Variants in TMF1 observed in about 807,000 individuals in gnomAD.
The protein encoded by TMF1 is TATA element modulatory factor 1.
TMF1 carries 71 observed loss-of-function variants against 126.5 expected under a neutral mutation model. The ratio of observed to expected loss-of-function variants is 0.56; its 90% CI spans 0.46 to 0.68. The LOEUF is 0.68. TMF1 is among the 30% of genes least tolerant of loss of function. The pLI, the probability that TMF1 is intolerant of heterozygous loss-of-function variation, is 0.00. For missense variants in TMF1, 1,259 were observed against 1,253.2 expected (o/e 1.00, Z -0.07); for synonymous variants, 461 against 430.5 (o/e 1.07, Z -0.88).
chr3:69,039,747 C>A (rs2091853213), intron 5 of TMF1, 54 bp from the exon 6 acceptor site: 2 of 1,548,398 alleles, frequency 1.3e-6, no homozygotes, highest in Admixed American at 2.2e-5. Flanking sequence ...CTAAAAATCT[C>A]AATAGAATGT....
chr3:69,049,938 T>C (rs2091916777), intron 1 of TMF1, among the ~76,000 whole-genome samples: 1 of 152,148 alleles, frequency 6.6e-6, no homozygotes, highest in African/African-American at 2.4e-5. Context: ...CTAAAAACTA[T>C]CAAGCCTTAT....
chr3:69,038,002 T>C (rs1319899865), intron 8 of TMF1, among the ~76,000 whole-genome samples: 2 of 152,130 alleles, frequency 1.3e-5, no homozygotes, highest in Non-Finnish European at 2.9e-5. Context: ...TGCCAGTTCC[T>C]CAAAAAGTTA....
At chr3:69,031,020 T>G (rs2091798857) in intron 10 of TMF1, among the ~76,000 whole-genome samples, 1 of 152,162 alleles carries the variant, frequency 6.6e-6, no homozygotes, top group Admixed American at 6.5e-5. Flanking sequence ...CAGTGAATGG[T>G]TAAATATACG....
intron 2 of TMF1, among the ~76,000 whole-genome samples, chr3:69,045,158 A>G (rs1412555388): frequency 6.6e-6 from 1 of 152,226 alleles, no homozygotes; most frequent in East Asian, 1.9e-4. Context: ...GACATATTGC[A>G]TTTAAAAAAT....
chr3:69,027,247 C>T (rs972314566), intron 13 of TMF1, among the ~76,000 whole-genome samples: 3 of 152,110 alleles, frequency 2.0e-5, no homozygotes, highest in Non-Finnish European at 4.4e-5. Context: ...CCACCTACCT[C>T]AGCCTCTCAA....
In TMF1 at chr3:69,049,986, G is replaced by A. The variant is rs570101907; in HGVS notation, c.143-1424C>T. On this transcript the variant is annotated intron_variant, in intron 1 of 16. Transcript: ENST00000398559. ...CCTTTAATATGACTTCAGGCCAGGC[G>A]CAGTGGCTCACGCTTGTAATCTCAG... Among the ~76,000 whole-genome samples, 6 of 152,172 alleles carry A rather than the reference G, an allele frequency of 3.9e-5. 1 individual carries two copies. In the South Asian group the frequency reaches 8.3e-4, roughly 21 times the overall value.
chr3:69,031,030 G>A (rs9813514), intron 10 of TMF1, among the ~76,000 whole-genome samples: 115,895 of 152,134 alleles, frequency 0.76, 44,279 homozygotes, highest in Admixed American at 0.82. Flanking sequence ...TTAAATATAC[G>A]TGGTACATAC....
At position 69,028,214 on chromosome 3, in the gene TMF1, G is replaced by A. The variant is rs201799457; in HGVS notation, c.2664+12C>T. 334 of 1,608,698 alleles carry A rather than the reference G, an allele frequency of 2.1e-4. No individual in the cohort carries two copies. The highest frequency in any genetic ancestry group is 5.8e-4 in the South Asian group (53 of 90,860). ...TATGCCCTAAGAGCTGAGTGGTCACGAAGAGAAATACCTTTTCTTTCCTCG... is the reference window on the plus strand; with the variant it reads ...TATGCCCTAAGAGCTGAGTGGTCACAAAGAGAAATACCTTTTCTTTCCTCG... On this transcript the variant is annotated intron_variant, in intron 12 of 16. Transcript: ENST00000398559.
At chr3:69,051,576 T>C (rs1444437029) in intron 1 of TMF1, among the ~76,000 whole-genome samples, 3 of 152,168 alleles carry the variant, frequency 2.0e-5, no homozygotes, top group African/African-American at 7.2e-5. Context: ...ACTTCAGACC[T>C]TGGATCCCAA....
chr3:69,046,865 T>C (rs2091898474), intron 2 of TMF1, among the ~76,000 whole-genome samples: 4 of 152,042 alleles, frequency 2.6e-5, no homozygotes, highest in African/African-American at 9.7e-5. Flanking sequence ...TGAATGAAAA[T>C]ACTAATAACA....
In TMF1 at chr3:69,038,663, A is replaced by G; in HGVS notation, c.2052T>C (p.Ala684=). The G allele has an allele frequency of 5.0e-6, 8 of 1,614,202 alleles. No homozygotes were observed. The highest frequency in any genetic ancestry group is 6.8e-6 in the Non-Finnish European group (8 of 1,180,026). ...NAAKDSEAQE[A]ALSREMKAKE... is the part of the protein sequence containing the mutation. ...TAGCTTTCATTTCACGGCTCAGAGCAGCTTCCTGTGCCTCACTATCCTTTG... is the reference window on the plus strand; with the variant it reads ...TAGCTTTCATTTCACGGCTCAGAGCGGCTTCCTGTGCCTCACTATCCTTTG... The change falls in exon 8 of 17, where the codon GCT becomes GCC. Residue 684 remains alanine, a synonymous_variant. Coordinates refer to ENST00000398559, the MANE Select transcript of TMF1 (RefSeq NM_007114.3).
intron 2 of TMF1, among the ~76,000 whole-genome samples, chr3:69,045,666 G>C (rs2091891773): frequency 6.6e-6 from 1 of 152,068 alleles, no homozygotes. Context: ...TGTAGTCCCA[G>C]CTACTTGGGA....
At chr3:69,024,802 C>CCTTT (rs372549076) in intron 15 of TMF1, 11 of 99,944 alleles carry the variant, frequency 1.1e-4, no homozygotes, top group African/African-American at 4.2e-4. Flanking sequence ...TTTCAAATTT[C>CCTTT]TTTTTTTTTT....
At chr3:69,038,489 C>G (rs2091844850) in intron 8 of TMF1, 75 bp downstream of exon 8, 1 of 1,491,250 alleles carries the variant, frequency 6.7e-7, no homozygotes, top group Non-Finnish European at 9.1e-7. Context: ...TTGATTCAAA[C>G]CAGCTAATTG....
chr3:69,043,703 C>G (rs1337858492), intron 4 of TMF1, 47 bp downstream of exon 4: 6 of 1,499,530 alleles, frequency 4.0e-6, no homozygotes, highest in Non-Finnish European at 4.5e-6. Context: ...CCTCAAAAAT[C>G]TATATCTCTA....
At position 69,039,712 on chromosome 3, in the gene TMF1, T is replaced by C. The variant is rs745516372; in HGVS notation, c.1685-19A>G. 1 of 1,601,994 alleles carries C rather than the reference T, an allele frequency of 6.2e-7. No individual in the cohort carries two copies. The highest frequency in any genetic ancestry group is 8.5e-7 in the Non-Finnish European group (1 of 1,176,722). ...TTTTCTCCTGGTGATGGTAAAGAAGTATAAACTCAAATGATAACTATTCCC... is the reference window on the plus strand; with the variant it reads ...TTTTCTCCTGGTGATGGTAAAGAAGCATAAACTCAAATGATAACTATTCCC... On this transcript the variant is annotated intron_variant, in intron 5 of 16. Transcript: ENST00000398559.
At position 69,022,381 on chromosome 3, in the gene TMF1, A is replaced by C. The variant is rs992470484; in HGVS notation, c.*796T>G. On this transcript the variant is annotated 3_prime_UTR_variant, in exon 17 of 17. Transcript: ENST00000398559. ...ATTCATTTTATAGGGTAGTAAAATA[A>C]TACTTCTTCAAAATCATTTAAATGT... 3 of 152,404 alleles carry C rather than the reference A, an allele frequency of 2.0e-5. No homozygotes were observed. The highest frequency in any genetic ancestry group is 4.4e-5 in the Non-Finnish European group (3 of 67,984). The allele number at this position is 152,404 out of a possible 1,614,324, so 9.4% of individuals were successfully genotyped here. A position where few individuals can be genotyped will look rare whatever the true frequency, so the allele number is the denominator to read the frequency against.
At chr3:69,025,334 C>G (rs1278687940) in intron 15 of TMF1, 1 of 428,516 alleles carries the variant, frequency 2.3e-6, no homozygotes, top group African/African-American at 2.1e-5. Flanking sequence ...ACAGATCAGC[C>G]GAATATGCCT....
At chr3:69,049,179 T>C (rs2107471345) in intron 1 of TMF1, 1 of 152,470 alleles carries the variant, frequency 6.6e-6, no homozygotes, top group Admixed American at 6.5e-5. Flanking sequence ...AAGACAAGCC[T>C]GGGCAACATA....
Sources: allele counts gnomAD v4.1 joint callset (sites outside exome capture counted in the v4.1 genomes callset), GRCh38; gene constraint gnomAD v4.1.1; transcripts MANE v1.5; gene names NCBI Gene and HGNC (gene_info 2026-07-23, HGNC 2026-07-21).